ARMH3: variants seen among roughly 807,000 people sequenced by gnomAD.
The protein encoded by ARMH3 is armadillo like helical domain containing 3.
Under a neutral mutation model 99.1 loss-of-function variants are expected in ARMH3, and 60 were observed. That is an observed-to-expected ratio of 0.61 (90% CI 0.49 to 0.75). The LOEUF is 0.75. Ranked by LOEUF, ARMH3 falls within the 30% of genes least tolerant of loss-of-function variation. ARMH3 has a pLI of 0.00. For synonymous variants in ARMH3, 285 were observed against 292.8 expected, an observed-to-expected ratio of 0.97 and a Z score of 0.27; for missense variants, 679 against 843.1, an observed-to-expected ratio of 0.81 and a Z score of 2.41.
chr10:101,876,089 A>AT (rs1042678306), intron 24 of ARMH3, among the ~76,000 whole-genome samples: 1 of 151,898 alleles, frequency 6.6e-6, no homozygotes, highest in Non-Finnish European at 1.5e-5. Context: ...TCTACTAAAA[A>AT]TACAAAAAAA....
chr10:101,877,051 T>G (rs1049613885), intron 24 of ARMH3, among the ~76,000 whole-genome samples: 1 of 151,738 alleles, frequency 6.6e-6, no homozygotes, highest in African/African-American at 2.4e-5. Context: ...CCACAAAAAA[T>G]TTTAAAAGTT....
chr10:101,981,258 G>A (rs954344023), intron 19 of ARMH3, among the ~76,000 whole-genome samples: 3 of 152,094 alleles, frequency 2.0e-5, no homozygotes, highest in African/African-American at 4.8e-5. Flanking sequence ...GAGAAAAGAA[G>A]AAAGCAGAGA....
intron 14 of ARMH3, among the ~76,000 whole-genome samples, chr10:102,002,884 C>T (rs1348588226): frequency 6.6e-6 from 1 of 151,532 alleles, no homozygotes; most frequent in East Asian, 2.0e-4. Context: ...TTGCTTGAAA[C>T]CGGGAGGCGG....
intron 24 of ARMH3, among the ~76,000 whole-genome samples, chr10:101,874,915 G>A (rs1353001855): frequency 6.6e-6 from 1 of 152,160 alleles, no homozygotes; most frequent in African/African-American, 2.4e-5. Context: ...TCAGCTGAGA[G>A]GTCTAAGGTG....
At position 102,025,266 on chromosome 10, in the gene ARMH3, T is replaced by C. The variant is rs2066975744; in HGVS notation, c.415-18A>G. On this transcript the variant is annotated intron_variant, in intron 5 of 25. Coordinates refer to ENST00000370033, the MANE Select transcript of ARMH3 (RefSeq NM_024541.3). ...ATCAAGTTCTGAGAAAGAGAACCAA[T>C]AAGCATTAAACCATACCAGATAACA... 1 of 1,603,966 alleles carries C rather than the reference T, an allele frequency of 6.2e-7. No homozygotes were observed. The highest frequency in any genetic ancestry group is 8.5e-7 in the Non-Finnish European group (1 of 1,171,316).
chr10:101,995,441 A>C, intron 15 of ARMH3, 86 bp from the exon 16 acceptor site: 1 of 1,128,122 alleles, frequency 8.9e-7, no homozygotes, highest in Non-Finnish European at 1.3e-6. Flanking sequence ...TATATCATAA[A>C]AGGAAACATT....
chr10:101,907,342 T>G (rs1314874437), intron 23 of ARMH3, among the ~76,000 whole-genome samples: 1 of 152,020 alleles, frequency 6.6e-6, no homozygotes, highest in African/African-American at 2.4e-5. Flanking sequence ...AAAGTGTGAA[T>G]AGAAGCTCAG....
chr10:101,978,598 G>A (rs1010426928), intron 19 of ARMH3, among the ~76,000 whole-genome samples: 1 of 151,992 alleles, frequency 6.6e-6, no homozygotes, highest in African/African-American at 2.4e-5. Flanking sequence ...AGAAATTTCA[G>A]ACCAGCCTGG....
chr10:102,023,321 G>A (rs2066929011), intron 8 of ARMH3, among the ~76,000 whole-genome samples, 156 bp downstream of exon 8: 1 of 152,126 alleles, frequency 6.6e-6, no homozygotes, highest in Non-Finnish European at 1.5e-5. Flanking sequence ...TCTGCCCCAT[G>A]CATTTAATAT....
At chr10:101,997,247 G>A (rs1847103271) in intron 15 of ARMH3, among the ~76,000 whole-genome samples, 1 of 151,564 alleles carries the variant, frequency 6.6e-6, no homozygotes, top group Admixed American at 6.6e-5. Context: ...CAGCCTGGGT[G>A]ACAGAGTGAG....
intron 1 of ARMH3, among the ~76,000 whole-genome samples, chr10:102,041,280 A>G (rs1383021787): frequency 6.6e-6 from 1 of 151,628 alleles, no homozygotes; most frequent in African/African-American, 2.4e-5. Context: ...GAATTTACAC[A>G]TATTCCCTTC....
chr10:101,860,126 A>C (rs2066830290), intron 24 of ARMH3, among the ~76,000 whole-genome samples: 2 of 152,210 alleles, frequency 1.3e-5, no homozygotes, highest in South Asian at 4.1e-4. Flanking sequence ...TTATCTTAAA[A>C]AGGACATAAA....
intron 15 of ARMH3, among the ~76,000 whole-genome samples, chr10:101,995,775 T>G (rs1847027823): frequency 6.6e-6 from 1 of 152,214 alleles, no homozygotes; most frequent in Non-Finnish European, 1.5e-5. Context: ...ATTTCATGAC[T>G]GCTCATAGCA....
intron 23 of ARMH3, chr10:101,889,703 GA>G: frequency 3.7e-6 from 2 of 541,756 alleles, no homozygotes; most frequent in Non-Finnish European, 6.7e-6. Flanking sequence ...ACAGAAAATA[GA>G]ATCAAGCATC....
At chr10:101,908,019 G>A (rs1407091122) in intron 23 of ARMH3, among the ~76,000 whole-genome samples, 4 of 152,088 alleles carry the variant, frequency 2.6e-5, no homozygotes, top group South Asian at 4.2e-4. Context: ...CTCTAGACCC[G>A]TCCTGTAGCC....
intron 20 of ARMH3, among the ~76,000 whole-genome samples, chr10:101,966,728 G>C (rs766116618): frequency 2.0e-5 from 3 of 152,112 alleles, no homozygotes; most frequent in Admixed American, 1.3e-4. Flanking sequence ...GAATTCAGGA[G>C]GAGGGAAAAA....
At chr10:101,979,365 A>T (rs866559363) in intron 19 of ARMH3, among the ~76,000 whole-genome samples, 6 of 152,374 alleles carry the variant, frequency 3.9e-5, no homozygotes, top group Non-Finnish European at 7.3e-5. Flanking sequence ...ATAAGTCAGT[A>T]GTAAAAATCC....
At chr10:102,026,015 A>G (rs796721173) in intron 5 of ARMH3, among the ~76,000 whole-genome samples, 3 of 152,314 alleles carry the variant, frequency 2.0e-5, no homozygotes, top group African/African-American at 7.2e-5. Context: ...AAGAAACAGT[A>G]TCATTACAGG....
intron 24 of ARMH3, among the ~76,000 whole-genome samples, chr10:101,851,279 G>A (rs1327941054): frequency 6.6e-6 from 1 of 152,194 alleles, no homozygotes; most frequent in Admixed American, 6.5e-5. Flanking sequence ...CAGCTTGTAA[G>A]ATCATGAATC....
Sources: gnomAD v4.1 joint callset for allele counts (sites outside exome capture counted in the v4.1 genomes callset) on GRCh38, gnomAD v4.1.1 for gene constraint, MANE v1.5 for transcripts, NCBI Gene and HGNC (gene_info 2026-07-23, HGNC 2026-07-21) for gene names.